MGAM: variants seen among roughly 807,000 people sequenced by gnomAD.
MGAM encodes alpha-1,4-glucosidase.
A neutral mutation model predicts 358.8 loss-of-function variants in MGAM; 253 were observed. The ratio of observed to expected loss-of-function variants is 0.71; its 90% CI spans 0.64 to 0.78. The LOEUF (loss-of-function observed/expected upper bound fraction) is 0.78, where lower values mean the gene tolerates loss of function less well. Ranked by LOEUF, MGAM falls within the 30% of genes least tolerant of loss-of-function variation. The pLI is 0.00. For synonymous variants in MGAM, 1,105 were observed against 1,227.1 expected (o/e 0.90, Z 2.08); for missense variants, 3,080 against 3,432.6 (o/e 0.90, Z 2.57).
intron 59 of MGAM, 139 bp from the exon 60 acceptor site, chr7:142,093,273 C>A: frequency 8.5e-7 from 1 of 1,172,148 alleles, no homozygotes; most frequent in South Asian, 1.4e-5. Flanking sequence ...GGGCGCTGTG[C>A]TCATGTCTCT....
chr7:142,000,838 T>C (rs1476547563), intron 1 of MGAM, among the ~76,000 whole-genome samples: 2 of 152,190 alleles, frequency 1.3e-5, no homozygotes, highest in African/African-American at 2.4e-5. Flanking sequence ...TCATTGAGCA[T>C]AGGGTGTTTA....
chr7:142,072,436 C>A (rs1813420384), intron 44 of MGAM, among the ~76,000 whole-genome samples: 1 of 146,308 alleles, frequency 6.8e-6, no homozygotes, highest in Non-Finnish European at 1.5e-5. Flanking sequence ...GGAAGCACTG[C>A]CACTTCCAAG....
intron 43 of MGAM, 28 bp from the exon 44 acceptor site, chr7:142,070,963 TTCA>T (rs762655188): frequency 1.9e-6 from 3 of 1,554,924 alleles, no homozygotes; most frequent in Non-Finnish European, 2.7e-6. Flanking sequence ...TGTCCTCTCC[TTCA>T]TCATCTTTTA....
At chr7:142,001,935 T>C (rs1804771748) in intron 1 of MGAM, among the ~76,000 whole-genome samples, 1 of 152,160 alleles carries the variant, frequency 6.6e-6, no homozygotes, top group Non-Finnish European at 1.5e-5. Flanking sequence ...CAATAGATAA[T>C]AATAACAAAA....
intron 2 of MGAM, among the ~76,000 whole-genome samples, chr7:141,987,201 A>T (rs960406545): frequency 6.6e-6 from 1 of 152,214 alleles, no homozygotes; most frequent in Non-Finnish European, 1.5e-5. Context: ...ATGAAGAAAT[A>T]GGAGAATTAC....
chr7:142,065,658 G>T, intron 39 of MGAM, 36 bp downstream of exon 39: 1 of 1,612,342 alleles, frequency 6.2e-7, no homozygotes, highest in Non-Finnish European at 8.5e-7. Flanking sequence ...GCACCAAGAA[G>T]GTGGGGACAT....
chr7:142,040,388 A>G (rs115608793), intron 20 of MGAM: 8,142 of 589,104 alleles, frequency 0.014, 274 homozygotes, highest in South Asian at 0.076. Flanking sequence ...TTTATTTAGC[A>G]ATAAGATAGG....
intron 10 of MGAM, among the ~76,000 whole-genome samples, chr7:142,028,672 A>G (rs1432149814): frequency 2.6e-5 from 4 of 152,208 alleles, no homozygotes; most frequent in Non-Finnish European, 4.4e-5. Flanking sequence ...GCTGAGCTTC[A>G]GTAGACATTT....
chr7:142,027,808 T>G, intron 10 of MGAM, 73 bp downstream of exon 10: 2 of 1,399,562 alleles, frequency 1.4e-6, no homozygotes, highest in Non-Finnish European at 1.9e-6. Flanking sequence ...TGTTTATATT[T>G]TCTCTCCCTG....
chr7:141,991,957 A>G (rs1267638649), upstream of MGAM, among the ~76,000 whole-genome samples: 4 of 152,188 alleles, frequency 2.6e-5, no homozygotes, highest in African/African-American at 9.7e-5. Flanking sequence ...ACAGTCAGGC[A>G]ACATCATAGA....
chr7:142,018,927 A>T (rs1293297697), intron 3 of MGAM, among the ~76,000 whole-genome samples: 1 of 151,094 alleles, frequency 6.6e-6, no homozygotes, highest in Non-Finnish European at 1.5e-5. Flanking sequence ...GACTATTTAA[A>T]TATATTTATG....
chr7:142,053,012 G>A (rs1225351351), intron 26 of MGAM, 28 bp downstream of exon 26: 1 of 1,607,294 alleles, frequency 6.2e-7, no homozygotes, highest in Non-Finnish European at 8.5e-7. Flanking sequence ...ATCAGGTAGT[G>A]ATTAGACCCT....
upstream of MGAM, among the ~76,000 whole-genome samples, chr7:141,995,403 G>A (rs750970396): frequency 1.8e-4 from 27 of 152,190 alleles, 1 homozygote; most frequent in Middle Eastern, 6.8e-3. Flanking sequence ...ACAAGCTTAA[G>A]GACACCTTAA....
rs1036063155 is a variant in MGAM at position 142,063,685 on chromosome 7, C to T, written c.4345+99C>T. ...GGCAGCCCCACAGCTGAGGGCACAT[C>T]CTCATGGCTGCTGTGGTTTACTGGG... is the stretch of plus-strand genomic sequence containing the variant. On this transcript the variant is annotated intron_variant, in intron 36 of 70. Coordinates refer to ENST00000475668, the MANE Select transcript of MGAM (RefSeq NM_001365693.1). 2.2e-6 allele frequency: 3 copies of T among 1,337,792 alleles called. No individual in the cohort carries two copies. In the African/African-American group the frequency reaches 4.4e-5, roughly 20 times the overall value. The allele number at this position is 1,337,792 out of a possible 1,614,324, so 82.9% of individuals were successfully genotyped here.
At chr7:141,997,260 G>A (rs1804323949) in intron 1 of MGAM, among the ~76,000 whole-genome samples, 1 of 152,158 alleles carries the variant, frequency 6.6e-6, no homozygotes, top group Non-Finnish European at 1.5e-5. Context: ...TCTACAGTCT[G>A]TGTCCTGGTG....
chr7:142,013,863 AG>A (rs1805780953), intron 3 of MGAM, among the ~76,000 whole-genome samples: 1 of 152,096 alleles, frequency 6.6e-6, no homozygotes, highest in African/African-American at 2.4e-5. Flanking sequence ...ATTATCATTT[AG>A]TGGTTTTCAT....
At position 142,020,434 on chromosome 7, in the gene MGAM, G is replaced by A. The variant is rs1554458132; in HGVS notation, c.449-540G>A. Among the ~76,000 whole-genome samples, 9 of 152,092 alleles carry A rather than the reference G, an allele frequency of 5.9e-5. No individual in the cohort carries two copies. The South Asian group carries it at 1.7e-3, about 28-fold the overall frequency. ...GGGAGGTTTTCAATCAGATTTTGTA[G>A]AAGAGAGACATAGATTTTTATAAAA... On this transcript the variant is annotated intron_variant, in intron 4 of 70. Coordinates refer to ENST00000475668, the MANE Select transcript of MGAM (RefSeq NM_001365693.1).
At chr7:142,016,428 G>A (rs1202206642) in intron 3 of MGAM, among the ~76,000 whole-genome samples, 1 of 152,064 alleles carries the variant, frequency 6.6e-6, no homozygotes, top group Non-Finnish European at 1.5e-5. Flanking sequence ...TTTACCTTGT[G>A]ATTCTTTAAA....
intron 57 of MGAM, among the ~76,000 whole-genome samples, chr7:142,091,628 G>A (rs757313812): frequency 4.1e-5 from 6 of 146,264 alleles, no homozygotes; most frequent in South Asian, 2.2e-4. Context: ...GTTGGGCATC[G>A]AATGCATGAG....
Sources: allele counts gnomAD v4.1 joint callset (sites outside exome capture counted in the v4.1 genomes callset), GRCh38; gene constraint gnomAD v4.1.1; transcripts MANE v1.5; gene names NCBI Gene and HGNC (gene_info 2026-07-23, HGNC 2026-07-21).